The following GRM5 variants were observed in gnomAD, a reference collection of about 807,000 sequenced individuals.
GRM5 encodes the protein glutamate metabotropic receptor 5, also known as metabotropic glutamate receptor 5.
A neutral mutation model predicts 83.1 loss-of-function variants in GRM5; 19 were observed. The ratio of observed to expected loss-of-function variants is 0.23; its 90% CI spans 0.16 to 0.34. The LOEUF (loss-of-function observed/expected upper bound fraction) is 0.34. GRM5 is among the 10% of genes least tolerant of loss of function. The pLI, the probability that GRM5 is intolerant of heterozygous loss-of-function variation, is 1.00. For synonymous variants in GRM5, 675 were observed against 633.6 expected, an observed-to-expected ratio of 1.07 and a Z score of -0.98; for missense variants, 1,160 against 1,588.3, an observed-to-expected ratio of 0.73 and a Z score of 4.58.
rs772213007 is a variant in GRM5, at chr11:89,047,175, T to C, written c.661+37A>G. On this transcript the variant is annotated intron_variant, in intron 2 of 9. Transcript: ENST00000305447. This position sits in a 1 kb window ranked among gnomAD's most constrained non-coding sequence, Gnocchi z 5.1. ...CCTGAAATTGTAACTGTTGAGTGCA[T>C]AATAATATATACTCGATGTATGCAA... 6.8e-7 allele frequency: 1 copy of C among 1,475,106 alleles called. No individual in the cohort carries two copies. Among genetic ancestry groups the C allele is most frequent in the Non-Finnish European group, 9.3e-7 (1 of 1,079,246 alleles). The allele number at this position is 1,475,106 out of a possible 1,614,324, so 91.4% of individuals were successfully genotyped here.
chr11:89,029,646 T>C (rs1486376745), intron 2 of GRM5, among the ~76,000 whole-genome samples: 4 of 152,202 alleles, frequency 2.6e-5, no homozygotes, highest in African/African-American at 9.6e-5. Flanking sequence ...GAATGCTGTA[T>C]ACTTGATTAT....
chr11:88,639,176 C>T (rs1032107184), intron 4 of GRM5, among the ~76,000 whole-genome samples: 1 of 152,080 alleles, frequency 6.6e-6, no homozygotes, highest in Admixed American at 6.6e-5. Flanking sequence ...CATATGATTG[C>T]TGGGAACAGT....
At chr11:88,675,360 T>C (rs529239741) in intron 3 of GRM5, among the ~76,000 whole-genome samples, 2 of 152,006 alleles carry the variant, frequency 1.3e-5, no homozygotes, top group South Asian at 2.1e-4. Flanking sequence ...AGTGAGGCAA[T>C]TGTTAGAGAA....
chr11:89,058,528 G>C (rs573192965), intron 1 of GRM5, among the ~76,000 whole-genome samples: 1 of 152,294 alleles, frequency 6.6e-6, no homozygotes, highest in East Asian at 1.9e-4. Flanking sequence ...GCATACCTAA[G>C]AGCCAATCAT....
At chr11:88,521,604 C>T (rs933106252) in intron 9 of GRM5, among the ~76,000 whole-genome samples, 3 of 152,138 alleles carry the variant, frequency 2.0e-5, no homozygotes, top group African/African-American at 7.2e-5. Context: ...CTGTTTAGGA[C>T]TCTCTTTTAC....
chr11:88,795,729 C>A (rs981848002), intron 3 of GRM5, among the ~76,000 whole-genome samples: 5 of 152,064 alleles, frequency 3.3e-5, no homozygotes, highest in Non-Finnish European at 7.4e-5. Flanking sequence ...AAAATCATTT[C>A]TGTAGTAAGC....
intron 3 of GRM5, among the ~76,000 whole-genome samples, chr11:88,687,569 A>ATATAT (rs1554994004): frequency 7.6e-5 from 2 of 26,252 alleles, no homozygotes; most frequent in Non-Finnish European, 1.2e-4. Context: ...TATTATATAT[A>ATATAT]TATATATATA....
At chr11:88,965,144 C>T (rs542299697) in intron 2 of GRM5, among the ~76,000 whole-genome samples, 8 of 152,218 alleles carry the variant, frequency 5.3e-5, no homozygotes, top group South Asian at 2.1e-4. Context: ...CTACAAGAAA[C>T]GTACTTGTTT....
intron 2 of GRM5, among the ~76,000 whole-genome samples, chr11:88,885,453 T>TTTTTTTG (rs1945028619): frequency 2.0e-4 from 1 of 5,086 alleles, no homozygotes; most frequent in African/African-American, 2.4e-4. Flanking sequence ...GTACCATGTT[T>TTTTTTTG]TTTTTTTTTT....
chr11:89,042,884 A>C (rs1941564657), intron 2 of GRM5, among the ~76,000 whole-genome samples: 1 of 147,046 alleles, frequency 6.8e-6, no homozygotes, highest in African/African-American at 2.7e-5. Context: ...CCATATCTTC[A>C]ATAATGTATG....
At chr11:88,601,124 G>C (rs993810004) in intron 5 of GRM5, among the ~76,000 whole-genome samples, 2 of 152,178 alleles carry the variant, frequency 1.3e-5, no homozygotes, top group African/African-American at 2.4e-5. Flanking sequence ...TGAGATTTGC[G>C]TATGTCCTTG....
intron 2 of GRM5, among the ~76,000 whole-genome samples, chr11:89,021,566 G>A (rs530637052): frequency 2.0e-3 from 310 of 152,324 alleles, no homozygotes; most frequent in Non-Finnish European, 3.6e-3. Context: ...AAGTTTTCAA[G>A]TGCAGGCAGT....
intron 3 of GRM5, among the ~76,000 whole-genome samples, chr11:88,771,632 TG>T (rs1410262429): frequency 6.6e-6 from 1 of 152,068 alleles, no homozygotes. Flanking sequence ...TCCAGTCCAC[TG>T]ACTCAAACGT....
intron 3 of GRM5, among the ~76,000 whole-genome samples, chr11:88,826,641 T>C (rs1478017141): frequency 6.6e-6 from 1 of 152,068 alleles, no homozygotes; most frequent in East Asian, 1.9e-4. Flanking sequence ...ACAAGAAGGA[T>C]TAAATGGCAT....
chr11:88,781,151 A>G (rs953737424), intron 3 of GRM5, among the ~76,000 whole-genome samples: 10 of 145,592 alleles, frequency 6.9e-5, no homozygotes, highest in African/African-American at 2.3e-4. Flanking sequence ...ATATATATGT[A>G]TATATTTGGT....
chr11:88,671,667 C>T (rs539139261), intron 3 of GRM5, among the ~76,000 whole-genome samples: 124 of 151,942 alleles, frequency 8.2e-4, no homozygotes, highest in Middle Eastern at 3.4e-3. Flanking sequence ...AGAAAATATA[C>T]GGAAAGGAGA....
chr11:88,898,551 A>G lies in GRM5; in HGVS notation c.662-48396T>C, dbSNP rs549136933. On this transcript the variant is annotated intron_variant, in intron 2 of 9. Transcript: ENST00000305447. ...TGGACTAAGAAATAAACTATGGAAAACCAACTAGTATAGCAGCTGCTGTAT... is the reference window on the plus strand; with the variant it reads ...TGGACTAAGAAATAAACTATGGAAAGCCAACTAGTATAGCAGCTGCTGTAT... Among the ~76,000 whole-genome samples, 13 of 152,100 alleles carry G rather than the reference A, an allele frequency of 8.5e-5. 1 individual carries two copies. The East Asian group carries it at 1.6e-3, about 18-fold the overall frequency.
chr11:89,047,917 A>G lies in GRM5; in HGVS notation c.-45T>C, dbSNP rs143856271. ...CCAATAAAGATAGCATGGTGGGGAAAATTCAGGAGGGTTCTGATAGCTACG... is the reference window on the plus strand; with the variant it reads ...CCAATAAAGATAGCATGGTGGGGAAGATTCAGGAGGGTTCTGATAGCTACG... On this transcript the variant is annotated 5_prime_UTR_variant, in exon 2 of 10. Coordinates refer to ENST00000305447, the MANE Select transcript of GRM5 (RefSeq NM_001143831.3). This position sits in a 1 kb window ranked among gnomAD's most constrained non-coding sequence, Gnocchi z 5.1. 2.9e-3 allele frequency: 4,362 copies of G among 1,485,662 alleles called. 100 individuals are homozygous for G. The African/African-American group carries it at 0.052, about 18-fold the overall frequency. The allele number at this position is 1,485,662 out of a possible 1,614,324, so 92.0% of individuals were successfully genotyped here.
At chr11:88,690,668 G>T (rs78112367) in intron 3 of GRM5, among the ~76,000 whole-genome samples, 3,335 of 152,216 alleles carry the variant, frequency 0.022, 116 homozygotes, top group East Asian at 0.16. Context: ...GAATGACAAG[G>T]TCCCTCCCCT....
Sources: gnomAD v4.1 joint callset for allele counts (sites outside exome capture counted in the v4.1 genomes callset) on GRCh38, gnomAD v4.1.1 for gene constraint, Gnocchi (gnomAD v3.1) non-coding constraint, MANE v1.5 for transcripts, NCBI Gene and HGNC (gene_info 2026-07-23, HGNC 2026-07-21) for gene names.